Variants in MROH7 observed in about 807,000 individuals in gnomAD.
MROH7 encodes maestro heat like repeat family member 7.
In MROH7, 113 loss-of-function variants were observed where a neutral mutation model predicts 129.2. That is an observed-to-expected ratio of 0.87 (90% CI 0.75 to 1.02). The LOEUF (loss-of-function observed/expected upper bound fraction) is 1.02, where lower values mean the gene tolerates loss of function less well. Ranked by LOEUF, MROH7 falls within the 50% of genes least tolerant of loss-of-function variation. The pLI is 0.00. For missense variants in MROH7, 1,601 were observed against 1,671.3 expected (o/e 0.96, Z 0.73); for synonymous variants, 655 against 667.9 (o/e 0.98, Z 0.30).
intron 8 of MROH7, 86 bp downstream of exon 8, chr1:54,673,272 C>G (rs1015187967): frequency 9.9e-7 from 1 of 1,007,520 alleles, no homozygotes; most frequent in Admixed American, 2.1e-5. Flanking sequence ...GAGGCCAGAC[C>G]TAGGAGTGAT....
intron 3 of MROH7, among the ~76,000 whole-genome samples, chr1:54,655,020 T>G (rs986617618): frequency 1.3e-5 from 2 of 151,590 alleles, no homozygotes; most frequent in Non-Finnish European, 2.9e-5. Context: ...ATCCTATTTT[T>G]TTTTTTTTTT....
At chr1:54,694,171 G>A (rs972572177) in intron 16 of MROH7, among the ~76,000 whole-genome samples, 2 of 152,142 alleles carry the variant, frequency 1.3e-5, no homozygotes, top group East Asian at 1.9e-4. Context: ...CGTGAGCCAC[G>A]TCCCTCGGTG....
At chr1:54,672,537 T>G (rs1644918037) in intron 7 of MROH7, among the ~76,000 whole-genome samples, 1 of 152,056 alleles carries the variant, frequency 6.6e-6, no homozygotes, top group African/African-American at 2.4e-5. Context: ...GATGGCTTCC[T>G]TAAGGGGCAA....
chr1:54,670,811 C>T lies in MROH7; in HGVS notation c.1481C>T (p.Pro494Leu), dbSNP rs1233453260. 2 of 1,614,016 alleles carry T rather than the reference C, an allele frequency of 1.2e-6. No individual in the cohort carries two copies. Among genetic ancestry groups the T allele is most frequent in the Non-Finnish European group, 8.5e-7 (1 of 1,179,980 alleles). Residue 494 changes from proline (P) to leucine (L), a missense_variant, in exon 7 of 24, where the codon CCC (proline) becomes CTC (leucine). Coordinates refer to ENST00000421030, the MANE Select transcript of MROH7 (RefSeq NM_001039464.4). ...EILTQLSHTQ[P>L]TLGMRERSEL... ...TGCCTCTTCTCCAGCCACACCCAGC[C>T]CACCCTGGGCATGCGGGAGAGGTCG...
chr1:54,666,490 G>A (rs181625937), intron 4 of MROH7, among the ~76,000 whole-genome samples: 90 of 147,746 alleles, frequency 6.1e-4, no homozygotes, highest in African/African-American at 2.0e-3. Flanking sequence ...GCTGGAGTGC[G>A]GTGGTGCAAT....
At chr1:54,660,529 T>C (rs1644715553) in intron 3 of MROH7, among the ~76,000 whole-genome samples, 1 of 152,154 alleles carries the variant, frequency 6.6e-6, no homozygotes, top group African/African-American at 2.4e-5. Context: ...AAAATTGTAG[T>C]CAGGCCGGGT....
At chr1:54,678,975 C>A in intron 11 of MROH7, 121 bp downstream of exon 11, 1 of 802,860 alleles carries the variant, frequency 1.2e-6, no homozygotes, top group Non-Finnish European at 2.1e-6. Context: ...TTCCCAGCCA[C>A]CCACGCCTGT....
At chr1:54,708,623 T>G (rs753937049) in intron 22 of MROH7, among the ~76,000 whole-genome samples, 1 of 152,168 alleles carries the variant, frequency 6.6e-6, no homozygotes, top group Non-Finnish European at 1.5e-5. Context: ...GCTATAGCCT[T>G]GCCTGACAGG....
At chr1:54,691,837 T>TGC (rs56017806) in intron 15 of MROH7, among the ~76,000 whole-genome samples, 1 of 145,562 alleles carries the variant, frequency 6.9e-6, no homozygotes, top group East Asian at 2.0e-4. Flanking sequence ...TGTGTGTGTG[T>TGC]ATCTAGAAAC....
chr1:54,660,815 C>T (rs1280436067), intron 3 of MROH7, among the ~76,000 whole-genome samples: 1 of 150,696 alleles, frequency 6.6e-6, no homozygotes, highest in Non-Finnish European at 1.5e-5. Flanking sequence ...AACTCCATCT[C>T]CAGAAAAAAA....
chr1:54,680,353 G>A (rs1645050222), intron 13 of MROH7, among the ~76,000 whole-genome samples: 1 of 152,210 alleles, frequency 6.6e-6, no homozygotes, highest in Admixed American at 6.5e-5. Context: ...CTAAACTCAG[G>A]TCTAACTAAC....
At position 54,673,938 on chromosome 1, in the gene MROH7, A is replaced by G. The variant is rs1007183908; in HGVS notation, c.1801-78A>G. 2.7e-5 allele frequency: 43 copies of G among 1,568,160 alleles called. No homozygotes were observed. The African/African-American group carries it at 4.6e-4, about 17-fold the overall frequency. ...AGGGCTGTGCTATCTGGGCCAGACT[A>G]TCCACCGGTGTTCACCATTTAATGT... On this transcript the variant is annotated intron_variant, in intron 9 of 23. Transcript: ENST00000421030.
chr1:54,683,004 G>T (rs1196245593), intron 14 of MROH7, among the ~76,000 whole-genome samples: 1 of 150,724 alleles, frequency 6.6e-6, no homozygotes, highest in Non-Finnish European at 1.5e-5. Context: ...AGCAGCCTGG[G>T]ATATGGGAAA....
At position 54,673,131 on chromosome 1, in the gene MROH7, T is replaced by G; in HGVS notation, c.1640T>G (p.Leu547Arg). Residue 547 changes from leucine (L) to arginine (R), a missense_variant, in exon 8 of 24, where the codon CTC (leucine) becomes CGC (arginine). Physicochemically the swap from Leu to Arg is moderately radical, Grantham distance 102. Coordinates refer to ENST00000421030, the MANE Select transcript of MROH7 (RefSeq NM_001039464.4). ...ACCCTGGAGGCCCTGCAGACACTGC[T>G]CAAAGCCCTCTTTATCGAGGACCCC... ...HQTLEALQTL[L>R]KALFIEDPTP... 3 of 1,613,836 alleles carry G rather than the reference T, an allele frequency of 1.9e-6. No individual in the cohort carries two copies. Among genetic ancestry groups the G allele is most frequent in the Non-Finnish European group, 2.5e-6 (3 of 1,179,914 alleles).
intron 7 of MROH7, 152 bp from the exon 8 acceptor site, chr1:54,672,939 A>T (rs186130340): frequency 1.6e-6 from 1 of 608,072 alleles, no homozygotes; most frequent in Admixed American, 3.0e-5. Context: ...TTTGCCCAAC[A>T]TTACACATCA....
intron 15 of MROH7, among the ~76,000 whole-genome samples, chr1:54,690,263 G>T (rs867335647): frequency 1.7e-4 from 25 of 151,488 alleles, no homozygotes; most frequent in African/African-American, 5.6e-4. Flanking sequence ...TTGGGAGTGG[G>T]GTGAGAAGGG....
At chr1:54,675,841 G>C (rs1474731831) in intron 10 of MROH7, among the ~76,000 whole-genome samples, 5 of 151,746 alleles carry the variant, frequency 3.3e-5, no homozygotes, top group African/African-American at 1.2e-4. Flanking sequence ...GGGGTTTCAA[G>C]ACCAGGCTGG....
intron 10 of MROH7, among the ~76,000 whole-genome samples, chr1:54,677,066 C>G (rs1644993186): frequency 6.6e-6 from 1 of 152,054 alleles, no homozygotes; most frequent in African/African-American, 2.4e-5. Context: ...ATCTGGAACT[C>G]CTGGGCGCAA....
Position 54,695,385 on chromosome 1 carries a change from G to A in MROH7, c.2859G>A (p.Val953=). The change falls in exon 17 of 24, where the codon GTG becomes GTA. Residue 953 remains valine, a synonymous_variant. Coordinates refer to ENST00000421030, the MANE Select transcript of MROH7 (RefSeq NM_001039464.4). ...RGVALLARAM[V]QYSCQELCRI... is the part of the protein sequence containing the mutation. ...CCCTTCCCACCCCCAGGGCCATGGTGCAGTACTCCTGCCAGGAGCTGTGCC... is the reference window on the plus strand; with the variant it reads ...CCCTTCCCACCCCCAGGGCCATGGTACAGTACTCCTGCCAGGAGCTGTGCC... The A allele has an allele frequency of 1.2e-6, 2 of 1,610,394 alleles. No individual in the cohort carries two copies. The highest frequency in any genetic ancestry group is 8.5e-7 in the Non-Finnish European group (1 of 1,177,732).
Sources: allele counts gnomAD v4.1 joint callset (sites outside exome capture counted in the v4.1 genomes callset), GRCh38; gene constraint gnomAD v4.1.1; transcripts MANE v1.5; gene names NCBI Gene and HGNC (gene_info 2026-07-23, HGNC 2026-07-21).